TMEM117: variants seen among roughly 807,000 people sequenced by gnomAD.
The protein encoded by TMEM117 is transmembrane protein 117.
TMEM117 carries 27 observed loss-of-function variants against 52.4 expected under a neutral mutation model. That is an observed-to-expected ratio of 0.51 (90% CI 0.38 to 0.71). TMEM117 has a LOEUF of 0.71. TMEM117 is among the 30% of genes least tolerant of loss of function. TMEM117 has a pLI of 0.00. For missense variants in TMEM117, 556 were observed against 630.5 expected (o/e 0.88, Z 1.26); for synonymous variants, 215 against 206.3 (o/e 1.04, Z -0.36).
At chr12:43,831,111 T>C (rs1942978467), upstream of TMEM117, among the ~76,000 whole-genome samples, 1 of 152,238 alleles carries the variant, frequency 6.6e-6, no homozygotes, top group Non-Finnish European at 1.5e-5. Context: ...TCATTGCCCT[T>C]AGAAAATTGC....
intron 3 of TMEM117, among the ~76,000 whole-genome samples, chr12:44,005,119 TAGCCCTAGGAGGTAGG>T (rs1303202121): frequency 6.6e-6 from 1 of 152,156 alleles, no homozygotes; most frequent in African/African-American, 2.4e-5. Context: ...ATTCTCACAG[TAGCCCTAGGAGGTAGG>T]AATTATTATG....
intron 6 of TMEM117, among the ~76,000 whole-genome samples, chr12:44,322,733 T>C (rs753746874): frequency 2.6e-5 from 4 of 152,112 alleles, no homozygotes; most frequent in Non-Finnish European, 4.4e-5. Flanking sequence ...AACTGCCAGA[T>C]AGGTTGTAAG....
chr12:44,178,669 A>G (rs1039297992), intron 4 of TMEM117, among the ~76,000 whole-genome samples: 20 of 152,196 alleles, frequency 1.3e-4, no homozygotes, highest in Non-Finnish European at 2.8e-4. Flanking sequence ...TCTCAAATCT[A>G]TTATGTAAAA....
chr12:44,375,631 T>C (rs1951930913), intron 6 of TMEM117, among the ~76,000 whole-genome samples: 2 of 152,210 alleles, frequency 1.3e-5, no homozygotes, highest in Non-Finnish European at 2.9e-5. Context: ...ATTGATGTAA[T>C]AGATCAAAAT....
chr12:44,166,509 A>C (rs1388413939), intron 4 of TMEM117, among the ~76,000 whole-genome samples: 1 of 152,252 alleles, frequency 6.6e-6, no homozygotes, highest in East Asian at 1.9e-4. Context: ...CAAACATTTT[A>C]GAGGGAGAGT....
intron 7 of TMEM117, among the ~76,000 whole-genome samples, chr12:44,383,921 C>G (rs1275168176): frequency 6.6e-6 from 1 of 152,092 alleles, no homozygotes; most frequent in African/African-American, 2.4e-5. Context: ...TTGAGATTTT[C>G]TGGCCCAGCA....
At chr12:44,103,655 A>C (rs1322640468) in intron 3 of TMEM117, among the ~76,000 whole-genome samples, 1 of 151,968 alleles carries the variant, frequency 6.6e-6, no homozygotes, top group Non-Finnish European at 1.5e-5. Context: ...TCAAGGATGC[A>C]GTCCTGAAAC....
intron 7 of TMEM117, among the ~76,000 whole-genome samples, chr12:44,382,881 A>T (rs150233640): frequency 6.4e-4 from 97 of 152,314 alleles, no homozygotes; most frequent in African/African-American, 2.0e-3. Context: ...TGGTTTCTAG[A>T]TATCCCTAAA....
chr12:44,128,696 CACCAA>C (rs1948366653), intron 3 of TMEM117, among the ~76,000 whole-genome samples: 4 of 152,160 alleles, frequency 2.6e-5, no homozygotes, highest in Admixed American at 2.6e-4. Flanking sequence ...CTTTAATTAC[CACCAA>C]AGGCCTATGC....
At chr12:43,893,039 G>A (rs73098842) in intron 2 of TMEM117, among the ~76,000 whole-genome samples, 4,262 of 152,348 alleles carry the variant, frequency 0.028, 65 homozygotes, top group Middle Eastern at 0.085. Flanking sequence ...GAAGGACAGC[G>A]TAGCTGGAGT....
chr12:44,284,342 C>T (rs113164777), intron 5 of TMEM117, among the ~76,000 whole-genome samples: 6,652 of 151,998 alleles, frequency 0.044, 180 homozygotes, highest in African/African-American at 0.076. Context: ...GTGACTTTCA[C>T]CTCCCACCAT....
At chr12:44,243,058 G>T (rs1428575510) in intron 5 of TMEM117, among the ~76,000 whole-genome samples, 2 of 151,748 alleles carry the variant, frequency 1.3e-5, no homozygotes, top group Non-Finnish European at 2.9e-5. Context: ...GTCTTCTTTT[G>T]AAAAATGTCT....
intron 2 of TMEM117, among the ~76,000 whole-genome samples, chr12:43,872,696 A>G: frequency 6.6e-6 from 1 of 152,204 alleles, no homozygotes; most frequent in Admixed American, 6.5e-5. Context: ...TCTTCCAGTT[A>G]TGACAGTTAA....
At chr12:44,052,827 A>G (rs759794638) in intron 3 of TMEM117, among the ~76,000 whole-genome samples, 6 of 152,036 alleles carry the variant, frequency 3.9e-5, no homozygotes, top group Non-Finnish European at 8.8e-5. Flanking sequence ...TCCGCTTTAG[A>G]TTTCTCAGGT....
chr12:43,871,104 T>C (rs567566448), intron 2 of TMEM117, among the ~76,000 whole-genome samples: 1 of 147,394 alleles, frequency 6.8e-6, no homozygotes, highest in South Asian at 2.2e-4. Context: ...TTTTTTTTTT[T>C]TTGTTTGTTT....
At chr12:44,371,018 G>A (rs968041569) in intron 6 of TMEM117, among the ~76,000 whole-genome samples, 2 of 152,156 alleles carry the variant, frequency 1.3e-5, no homozygotes, top group East Asian at 1.9e-4. Flanking sequence ...ATTCGGCCAA[G>A]TGATACTAGG....
chr12:44,296,069 T>C (rs1950765161), intron 5 of TMEM117, among the ~76,000 whole-genome samples: 1 of 152,144 alleles, frequency 6.6e-6, no homozygotes, highest in African/African-American at 2.4e-5. Flanking sequence ...TCACGAGACT[T>C]TTGCTGGTTC....
chr12:44,272,685 C>T (rs1308361208), intron 5 of TMEM117, among the ~76,000 whole-genome samples: 1 of 152,130 alleles, frequency 6.6e-6, no homozygotes, highest in African/African-American at 2.4e-5. Flanking sequence ...CATCTCACAC[C>T]AGTTAGAATG....
chr12:44,363,704 A>G (rs1951753470), intron 6 of TMEM117, among the ~76,000 whole-genome samples: 1 of 152,172 alleles, frequency 6.6e-6, no homozygotes, highest in African/African-American at 2.4e-5. Flanking sequence ...TGTTCTTCCT[A>G]TGTTTTGTTC....
Sources: allele counts gnomAD v4.1 joint callset (sites outside exome capture counted in the v4.1 genomes callset), GRCh38; gene constraint gnomAD v4.1.1; transcripts MANE v1.5; gene names NCBI Gene and HGNC (gene_info 2026-07-23, HGNC 2026-07-21).